Variants in CNTN5 observed in about 807,000 individuals in gnomAD.
CNTN5 encodes contactin 5, also known as contactin-5.
In CNTN5, 77 loss-of-function variants were observed where a neutral mutation model predicts 129.1. That is an observed-to-expected ratio of 0.60 (90% CI 0.50 to 0.72). The LOEUF is 0.72. Among genes scored for constraint, CNTN5 ranks in the 30% least tolerant of loss-of-function variants. The pLI, the probability that CNTN5 is intolerant of heterozygous loss-of-function variation, is 0.00. For missense variants in CNTN5, 1,478 were observed against 1,328.8 expected, an observed-to-expected ratio of 1.11 and a Z score of -1.75; for synonymous variants, 509 against 465.6, an observed-to-expected ratio of 1.09 and a Z score of -1.20.
chr11:99,821,432 C>A (rs1383487349), intron 4 of CNTN5, among the ~76,000 whole-genome samples: 1 of 152,092 alleles, frequency 6.6e-6, no homozygotes, highest in Non-Finnish European at 1.5e-5. Context: ...GAAAGAAAAT[C>A]TGGTCAGTTA....
intron 3 of CNTN5, among the ~76,000 whole-genome samples, chr11:99,656,289 C>T (rs1952360378): frequency 6.6e-6 from 1 of 152,122 alleles, no homozygotes; most frequent in African/African-American, 2.4e-5. Flanking sequence ...TTTATTGCTA[C>T]TCTTTCTCCC....
intron 6 of CNTN5, among the ~76,000 whole-genome samples, chr11:99,896,141 G>A (rs1158962284): frequency 1.3e-5 from 2 of 152,124 alleles, no homozygotes; most frequent in Non-Finnish European, 2.9e-5. Context: ...ACAAGGAGGT[G>A]GGGCACATTT....
chr11:99,982,188 T>C (rs1252755401), intron 8 of CNTN5, among the ~76,000 whole-genome samples: 1 of 152,156 alleles, frequency 6.6e-6, no homozygotes, highest in Non-Finnish European at 1.5e-5. Flanking sequence ...TAGAAGATAG[T>C]CTGAACAGAG....
intron 3 of CNTN5, among the ~76,000 whole-genome samples, chr11:99,679,568 A>ACACTG (rs1265124798): frequency 6.6e-6 from 1 of 152,148 alleles, no homozygotes; most frequent in Non-Finnish European, 1.5e-5. Flanking sequence ...AAATTGCTGA[A>ACACTG]CACTGCATGT....
At position 99,996,315 on chromosome 11, in the gene CNTN5, A is replaced by G. The variant is rs577072410; in HGVS notation, c.878-5719A>G. ...TTTGTCTCTGCTCCAGTTTCACTAT[A>G]TACATCTCAGCATAATGCAGCTTCC... On this transcript the variant is annotated intron_variant, in intron 8 of 24. Transcript: ENST00000524871. Among the ~76,000 whole-genome samples the G allele has an allele frequency of 9.2e-5, 14 of 152,258 alleles. No individual in the cohort carries two copies. The South Asian group carries it at 2.9e-3, about 32-fold the overall frequency.
At chr11:99,634,824 C>T (rs1951492107) in intron 3 of CNTN5, among the ~76,000 whole-genome samples, 1 of 152,154 alleles carries the variant, frequency 6.6e-6, no homozygotes, top group Non-Finnish European at 1.5e-5. Flanking sequence ...AAGATGACAG[C>T]TCTCCTGGTG....
chr11:100,328,247 T>C (rs1591517874), intron 21 of CNTN5, among the ~76,000 whole-genome samples: 1 of 152,028 alleles, frequency 6.6e-6, no homozygotes, highest in East Asian at 1.9e-4. Flanking sequence ...TCCTACCTAC[T>C]AGGGAGGCTG....
chr11:99,155,329 C>A (rs1441292066), intron 1 of CNTN5, among the ~76,000 whole-genome samples: 1 of 152,166 alleles, frequency 6.6e-6, no homozygotes, highest in Non-Finnish European at 1.5e-5. Flanking sequence ...CTTTTAATTT[C>A]TTTGCTGCAC....
chr11:99,967,534 A>T (rs1442408632), intron 8 of CNTN5, among the ~76,000 whole-genome samples: 1 of 152,144 alleles, frequency 6.6e-6, no homozygotes, highest in Non-Finnish European at 1.5e-5. Flanking sequence ...CAGCATCCTG[A>T]TGAGGCCAAG....
chr11:99,034,448 C>A (rs528618038), intron 1 of CNTN5, among the ~76,000 whole-genome samples: 1 of 151,498 alleles, frequency 6.6e-6, no homozygotes, highest in Non-Finnish European at 1.5e-5. Context: ...AATTTCAGAC[C>A]CTGTTATTGG....
intron 9 of CNTN5, among the ~76,000 whole-genome samples, chr11:100,003,081 A>C (rs1347123781): frequency 1.3e-5 from 2 of 152,158 alleles, no homozygotes; most frequent in Non-Finnish European, 2.9e-5. Context: ...TCAGCTAGCT[A>C]AGGTAGATTT....
intron 7 of CNTN5, among the ~76,000 whole-genome samples, chr11:99,951,868 C>G (rs1249981183): frequency 2.0e-5 from 3 of 152,014 alleles, no homozygotes; most frequent in African/African-American, 7.2e-5. Context: ...GAAAATAAAT[C>G]CACTCTTGTT....
At chr11:99,784,081 T>C (rs958726387) in intron 3 of CNTN5, among the ~76,000 whole-genome samples, 12 of 152,182 alleles carry the variant, frequency 7.9e-5, no homozygotes, top group Non-Finnish European at 1.8e-4. Flanking sequence ...CATAGTATTT[T>C]GCAGATGATT....
At chr11:100,045,977 A>G (rs1194670097) in intron 9 of CNTN5, among the ~76,000 whole-genome samples, 1 of 151,960 alleles carries the variant, frequency 6.6e-6, no homozygotes, top group African/African-American at 2.4e-5. Context: ...TTATTATTAT[A>G]CTTTAAGTTA....
intron 13 of CNTN5, among the ~76,000 whole-genome samples, chr11:100,112,103 G>A (rs181326019): frequency 2.7e-4 from 41 of 152,230 alleles, no homozygotes; most frequent in East Asian, 7.7e-4. Flanking sequence ...GCCATATGAC[G>A]TGCTTTAGCC....
chr11:100,229,522 T>A (rs906606647), intron 16 of CNTN5, among the ~76,000 whole-genome samples: 6 of 152,224 alleles, frequency 3.9e-5, no homozygotes, highest in Non-Finnish European at 7.3e-5. Context: ...CAAGTGCTAA[T>A]CTTTAGTGAT....
At chr11:99,681,822 C>T (rs1591472205) in intron 3 of CNTN5, among the ~76,000 whole-genome samples, 1 of 152,046 alleles carries the variant, frequency 6.6e-6, no homozygotes, top group South Asian at 2.1e-4. Context: ...AAACGATTAA[C>T]TCCAAAACAT....
At chr11:99,356,783 G>A (rs1021872793) in intron 2 of CNTN5, among the ~76,000 whole-genome samples, 2 of 152,138 alleles carry the variant, frequency 1.3e-5, no homozygotes, top group African/African-American at 4.8e-5. Context: ...CATATTAATA[G>A]AATTATTATT....
rs571294120 is a variant in CNTN5 at position 99,752,581 on chromosome 11, G to A, written c.56-66963G>A. ...ATTTGTGTTTTGTATATAGGTTCTT[G>A]ACTTACTAACTATATTCACTGTTTT... is the stretch of plus-strand genomic sequence containing the variant. On this transcript the variant is annotated intron_variant, in intron 3 of 24. Coordinates refer to ENST00000524871, the MANE Select transcript of CNTN5 (RefSeq NM_014361.4). Among the ~76,000 whole-genome samples, 200 of 152,198 alleles carry A rather than the reference G, an allele frequency of 1.3e-3. 1 individual carries two copies. Among genetic ancestry groups the A allele is most frequent in the African/African-American group, 4.7e-3 (195 of 41,526 alleles).
Sources: gnomAD v4.1 joint callset for allele counts (sites outside exome capture counted in the v4.1 genomes callset) on GRCh38, gnomAD v4.1.1 for gene constraint, MANE v1.5 for transcripts, NCBI Gene and HGNC (gene_info 2026-07-23, HGNC 2026-07-21) for gene names.